The following PTPRM variants were observed in gnomAD, a reference collection of about 807,000 sequenced individuals.
PTPRM encodes the protein receptor-type tyrosine-protein phosphatase mu.
Under a neutral mutation model 186.7 loss-of-function variants are expected in PTPRM, and 47 were observed. That is an observed-to-expected ratio of 0.25 (90% confidence interval 0.20 to 0.32). PTPRM has a LOEUF of 0.32. Among genes scored for constraint, PTPRM ranks in the 10% least tolerant of loss-of-function variants. The pLI, the probability that PTPRM is intolerant of heterozygous loss-of-function variation, is 1.00. For missense variants in PTPRM, 1,494 were observed against 1,865.0 expected (o/e 0.80, Z 3.66); for synonymous variants, 668 against 674.9 (o/e 0.99, Z 0.16).
chr18:7,631,464 T>C (rs1305928890), intron 1 of PTPRM, among the ~76,000 whole-genome samples: 1 of 151,986 alleles, frequency 6.6e-6, no homozygotes, highest in East Asian at 1.9e-4. Context: ...TTTTTTTTTT[T>C]TGTAATTTCA....
intron 14 of PTPRM, among the ~76,000 whole-genome samples, chr18:8,196,756 G>A (rs575592718): frequency 2.0e-5 from 3 of 152,320 alleles, no homozygotes; most frequent in South Asian, 2.1e-4. Flanking sequence ...CATATGTCAC[G>A]ATATGTTCCT....
chr18:8,240,752 G>A (rs572647916), intron 14 of PTPRM, among the ~76,000 whole-genome samples: 14 of 136,172 alleles, frequency 1.0e-4, no homozygotes, highest in African/African-American at 3.1e-4. Context: ...GTGGCAACCC[G>A]CGAGGGAGGG....
chr18:8,348,459 C>A (rs2095517469), intron 23 of PTPRM, among the ~76,000 whole-genome samples: 1 of 152,260 alleles, frequency 6.6e-6, no homozygotes, highest in South Asian at 2.1e-4. Flanking sequence ...CCCTTTTAGC[C>A]CACGTGTTCT....
At chr18:8,172,485 G>A (rs192573324) in intron 14 of PTPRM, among the ~76,000 whole-genome samples, 1 of 151,986 alleles carries the variant, frequency 6.6e-6, no homozygotes, top group Admixed American at 6.6e-5. Context: ...AGAATCATCC[G>A]GGTACTTACA....
intron 8 of PTPRM, among the ~76,000 whole-genome samples, chr18:8,075,860 G>C (rs2089779179): frequency 6.6e-6 from 1 of 152,062 alleles, no homozygotes; most frequent in African/African-American, 2.4e-5. Context: ...GTTATAACTT[G>C]AATCCATGTG....
At chr18:7,631,750 C>T (rs146847048) in intron 1 of PTPRM, among the ~76,000 whole-genome samples, 2 of 152,190 alleles carry the variant, frequency 1.3e-5, no homozygotes, top group African/African-American at 4.8e-5. Flanking sequence ...GCCAAAAGAC[C>T]GGGCACCCCT....
intron 1 of PTPRM, among the ~76,000 whole-genome samples, chr18:7,734,919 C>T (rs658864): frequency 0.64 from 96,884 of 151,950 alleles, 32,806 homozygotes; most frequent in East Asian, 0.99. Context: ...TAAAACTCCA[C>T]GGTGGGGGTC....
At chr18:7,732,111 A>C (rs573452345) in intron 1 of PTPRM, among the ~76,000 whole-genome samples, 1 of 152,322 alleles carries the variant, frequency 6.6e-6, no homozygotes, top group South Asian at 2.1e-4. Flanking sequence ...GGTGTAAGCA[A>C]GTAGAATTTA....
In PTPRM at chr18:8,233,443, C is replaced by T. The variant is rs568286865; in HGVS notation, c.2301-10615C>T. On this transcript the variant is annotated intron_variant, in intron 14 of 32. Coordinates refer to ENST00000580170, the MANE Select transcript of PTPRM (RefSeq NM_001105244.2). ...GGTGCAGAGCATCTTTTTATATGCT[C>T]GTTTGCTATGTGTACATCTTTGGTG... Among the ~76,000 whole-genome samples the T allele has an allele frequency of 4.6e-5, 7 of 152,230 alleles. No individual in the cohort carries two copies. The South Asian group carries it at 1.5e-3, about 32-fold the overall frequency.
At chr18:8,369,107 G>A (rs997143297) in intron 23 of PTPRM, among the ~76,000 whole-genome samples, 6 of 152,196 alleles carry the variant, frequency 3.9e-5, no homozygotes, top group African/African-American at 1.2e-4. Flanking sequence ...AAGGAATGGT[G>A]CGAGTAGGAG....
chr18:7,731,735 T>C (rs567508555), intron 1 of PTPRM, among the ~76,000 whole-genome samples: 1 of 152,292 alleles, frequency 6.6e-6, no homozygotes, highest in South Asian at 2.1e-4. Flanking sequence ...AAGATAACCA[T>C]GGCACGAAAT....
At chr18:7,889,333 C>CTT (rs770886704) in intron 3 of PTPRM, among the ~76,000 whole-genome samples, 4,277 of 119,834 alleles carry the variant, frequency 0.036, 266 homozygotes, top group African/African-American at 0.098. Flanking sequence ...TCTTTTCTTT[C>CTT]TTTTTTTTTT....
At chr18:7,921,980 C>G (rs1457080460) in intron 4 of PTPRM, among the ~76,000 whole-genome samples, 3 of 152,088 alleles carry the variant, frequency 2.0e-5, no homozygotes, top group Non-Finnish European at 4.4e-5. Flanking sequence ...GTTATTTATT[C>G]CAGTCTTCCC....
intron 1 of PTPRM, among the ~76,000 whole-genome samples, chr18:7,652,564 T>C (rs2038738734): frequency 1.3e-5 from 2 of 151,786 alleles, no homozygotes; most frequent in African/African-American, 4.8e-5. Flanking sequence ...CATGGAATAC[T>C]ATGCAGCCAT....
chr18:8,388,375 G>A (rs2095791358), intron 31 of PTPRM, among the ~76,000 whole-genome samples: 1 of 152,162 alleles, frequency 6.6e-6, no homozygotes, highest in Non-Finnish European at 1.5e-5. Flanking sequence ...CTGGCTCAGG[G>A]CGTGGGTTAC....
chr18:7,724,307 C>T (rs1369968172), intron 1 of PTPRM, among the ~76,000 whole-genome samples: 4 of 152,114 alleles, frequency 2.6e-5, no homozygotes, highest in African/African-American at 7.2e-5. Context: ...CAATCATGAT[C>T]GTTTCTGTTG....
intron 14 of PTPRM, among the ~76,000 whole-genome samples, chr18:8,197,773 C>T (rs1057164789): frequency 6.6e-6 from 1 of 152,164 alleles, no homozygotes; most frequent in African/African-American, 2.4e-5. Context: ...AATGTTCACA[C>T]ATAGTGAAAG....
intron 14 of PTPRM, among the ~76,000 whole-genome samples, chr18:8,233,324 C>T (rs1743629339): frequency 6.6e-6 from 1 of 152,208 alleles, no homozygotes; most frequent in African/African-American, 2.4e-5. Context: ...TTCTTACCAG[C>T]AGTTGGTGAT....
chr18:7,734,666 T>C (rs1317527773), intron 1 of PTPRM, among the ~76,000 whole-genome samples: 2 of 152,230 alleles, frequency 1.3e-5, no homozygotes, highest in Non-Finnish European at 2.9e-5. Flanking sequence ...GCAAATGGCA[T>C]GGAATTTTAC....
Sources: gnomAD v4.1 joint callset for allele counts (sites outside exome capture counted in the v4.1 genomes callset) on GRCh38, gnomAD v4.1.1 for gene constraint, MANE v1.5 for transcripts, NCBI Gene and HGNC (gene_info 2026-07-23, HGNC 2026-07-21) for gene names.